Variants in DRD2 observed in about 807,000 individuals in gnomAD.
DRD2 encodes D(2) dopamine receptor.
A neutral mutation model predicts 38.0 loss-of-function variants in DRD2; 8 were observed. The ratio of observed to expected loss-of-function variants is 0.21; its 90% CI spans 0.12 to 0.38. The LOEUF (loss-of-function observed/expected upper bound fraction) is 0.38, where lower values mean the gene tolerates loss of function less well. Among genes scored for constraint, DRD2 ranks in the 10% least tolerant of loss-of-function variants. DRD2 has a pLI of 1.00. For synonymous variants in DRD2, 230 were observed against 238.6 expected (o/e 0.96, Z 0.33); for missense variants, 403 against 607.7 (o/e 0.66, Z 3.54).
chr11:113,433,912 A>G (rs1951013019), intron 1 of DRD2, among the ~76,000 whole-genome samples: 1 of 152,178 alleles, frequency 6.6e-6, no homozygotes, highest in Non-Finnish European at 1.5e-5. Flanking sequence ...GCACTTTCTC[A>G]ATTTCCTGTC....
chr11:113,446,118 A>T (rs547037876), intron 1 of DRD2, among the ~76,000 whole-genome samples: 71 of 151,462 alleles, frequency 4.7e-4, no homozygotes, highest in African/African-American at 1.7e-3. Context: ...GGACACATGG[A>T]CCCCACTTCA....
At chr11:113,462,612 G>A (rs1384921349) in intron 1 of DRD2, among the ~76,000 whole-genome samples, 4 of 152,194 alleles carry the variant, frequency 2.6e-5, no homozygotes, top group African/African-American at 9.7e-5. Context: ...GGCCATGCAG[G>A]AACAGGTATC....
chr11:113,412,614 ACG>A lies in DRD2; in HGVS notation c.1078_1079del (p.Arg360Ter). 2 of 1,613,606 alleles carry A rather than the reference ACG, an allele frequency of 1.2e-6. No individual in the cohort carries two copies. Among genetic ancestry groups the A allele is most frequent in the Non-Finnish European group, 1.7e-6 (2 of 1,179,972 alleles). On this transcript the variant is annotated frameshift_variant, in exon 7 of 8. Coordinates refer to ENST00000362072, the MANE Select transcript of DRD2 (RefSeq NM_000795.4). LOFTEE classifies it high-confidence loss of function. ...KTRTSLKTMS[R>X]RKLSQQKEKK... ...TCTCCTTCTGCTGGGAGAGCTTCCT[ACG>A]GCTCATGGTCTTGAGGGAGGTCCGG... is the stretch of plus-strand genomic sequence containing the variant.
intron 1 of DRD2, chr11:113,447,839 C>A (rs1951167354): frequency 6.6e-6 from 1 of 152,230 alleles, no homozygotes; most frequent in South Asian, 2.1e-4. Context: ...AGAGGACACA[C>A]AAGGCTTCCT....
chr11:113,444,256 C>G (rs1376399646), intron 1 of DRD2, among the ~76,000 whole-genome samples: 1 of 152,178 alleles, frequency 6.6e-6, no homozygotes, highest in African/African-American at 2.4e-5. Flanking sequence ...AGGCTGGTCT[C>G]AAACTCCTGA....
At chr11:113,463,708 G>A (rs1951343465) in intron 1 of DRD2, among the ~76,000 whole-genome samples, 1 of 152,194 alleles carries the variant, frequency 6.6e-6, no homozygotes, top group Admixed American at 6.5e-5. Context: ...GGCACCTGGA[G>A]CTAGAGAGGT....
chr11:113,412,858 A>G lies in DRD2; in HGVS notation c.836T>C (p.Leu279Pro). The change falls in exon 7 of 8, where the codon CTG (leucine) becomes CCG (proline). Residue 279 changes from leucine to proline, a missense_variant. Coordinates refer to ENST00000362072, the MANE Select transcript of DRD2 (RefSeq NM_000795.4). Reference protein sequence around the residue: ...RVEAARRAQELEMEMLSSTSP... With the variant: ...RVEAARRAQEPEMEMLSSTSP... Reference sequence around the variant, plus strand: ...GGTGCTGGAGAGCATCTCCATCTCCAGCTCCTGGGCTCGCCGGGCAGCCTC... The same window carrying G: ...GGTGCTGGAGAGCATCTCCATCTCCGGCTCCTGGGCTCGCCGGGCAGCCTC... 1 of 1,612,452 alleles carries G rather than the reference A, an allele frequency of 6.2e-7. No individual in the cohort carries two copies. Among genetic ancestry groups the G allele is most frequent in the Non-Finnish European group, 8.5e-7 (1 of 1,179,836 alleles).
At chr11:113,452,482 G>GCGCGCGCGCT (rs1219215940) in intron 1 of DRD2, among the ~76,000 whole-genome samples, 6 of 97,768 alleles carry the variant, frequency 6.1e-5, no homozygotes, top group African/African-American at 1.8e-4. Flanking sequence ...GCGCGCGCGC[G>GCGCGCGCGCT]CGCGCACATT....
chr11:113,435,899 C>A (rs1225171041), intron 1 of DRD2, among the ~76,000 whole-genome samples: 1 of 152,132 alleles, frequency 6.6e-6, no homozygotes, highest in Admixed American at 6.5e-5. Flanking sequence ...CCTTATTGCT[C>A]CAGATGGAGG....
rs201238984 is a variant in DRD2, at chr11:113,424,557, G to C, written c.95C>G (p.Pro32Arg). 1.2e-6 allele frequency: 2 copies of C among 1,614,180 alleles called. No homozygotes were observed. The highest frequency in any genetic ancestry group is 1.7e-5 in the Admixed American group (1 of 60,016). ...CAGTGTGGCATAGTAGTTGTAGTGG[G>C]GTCTGTCCGCCTTCCCGTCTGACCC... ...FNGSDGKADR[P>R]HYNYYATLLT... Residue 32 changes from proline to arginine, a missense_variant, in exon 2 of 8, where the codon CCC becomes CGC. Pro to Arg is a moderately radical substitution (Grantham distance 103). Transcript: ENST00000362072.
Position 113,416,860 on chromosome 11 carries a change from T to A in DRD2, c.532+3A>T. 1 of 1,613,676 alleles carries A rather than the reference T, an allele frequency of 6.2e-7. No homozygotes were observed. The highest frequency in any genetic ancestry group is 2.2e-5 in the East Asian group (1 of 44,854). Reference sequence around the variant, plus strand: ...GCCTCAGGCAAACAAAAGCAGAATGTACCTGCGTTATTGAGTCCGAAGAGG... The same window carrying A: ...GCCTCAGGCAAACAAAAGCAGAATGAACCTGCGTTATTGAGTCCGAAGAGG... On this transcript the variant is annotated splice_donor_region_variant and intron_variant, in intron 4 of 7. Coordinates refer to ENST00000362072, the MANE Select transcript of DRD2 (RefSeq NM_000795.4).
chr11:113,459,271 G>A (rs1226412669), intron 1 of DRD2, among the ~76,000 whole-genome samples: 1 of 152,188 alleles, frequency 6.6e-6, no homozygotes. Flanking sequence ...GGGCAAGAAA[G>A]CATCTGCTTG....
At chr11:113,440,154 T>C (rs950072308) in intron 1 of DRD2, among the ~76,000 whole-genome samples, 2 of 152,176 alleles carry the variant, frequency 1.3e-5, no homozygotes, top group Non-Finnish European at 2.9e-5. Context: ...AACTTCTGTG[T>C]ATGCTCGCCT....
At chr11:113,423,684 C>T (rs935245470) in intron 2 of DRD2, among the ~76,000 whole-genome samples, 1 of 152,160 alleles carries the variant, frequency 6.6e-6, no homozygotes, top group South Asian at 2.1e-4. Context: ...GACTGTGCTG[C>T]CTACTCCCCA....
At chr11:113,457,195 C>T (rs895983100) in intron 1 of DRD2, among the ~76,000 whole-genome samples, 3 of 152,176 alleles carry the variant, frequency 2.0e-5, no homozygotes, top group African/African-American at 7.2e-5. Context: ...AGGAGTCACT[C>T]AACCTCTGTG....
chr11:113,469,103 G>A (rs981003875), intron 1 of DRD2, among the ~76,000 whole-genome samples: 5 of 152,108 alleles, frequency 3.3e-5, no homozygotes, highest in South Asian at 2.1e-4. Flanking sequence ...AGTTCCAGAA[G>A]AGCTTGACAA....
intron 1 of DRD2, among the ~76,000 whole-genome samples, chr11:113,433,063 G>A (rs1004605671): frequency 2.0e-5 from 3 of 152,152 alleles, no homozygotes; most frequent in Non-Finnish European, 4.4e-5. Context: ...CTGTCTGGAG[G>A]GCAAAGCCTC....
At chr11:113,435,174 G>A (rs376737656) in intron 1 of DRD2, among the ~76,000 whole-genome samples, 100 of 152,304 alleles carry the variant, frequency 6.6e-4, no homozygotes, top group African/African-American at 2.4e-3. Context: ...GGTCTGCAGC[G>A]GGGTGAGGCA....
At chr11:113,431,792 C>T (rs12800853) in intron 1 of DRD2, among the ~76,000 whole-genome samples, 63,419 of 152,180 alleles carry the variant, frequency 0.42, 16,493 homozygotes, top group Non-Finnish European at 0.6. Flanking sequence ...ACCCTATATG[C>T]CTTACAAATG....
Sources: allele counts gnomAD v4.1 joint callset (sites outside exome capture counted in the v4.1 genomes callset), GRCh38; gene constraint gnomAD v4.1.1; transcripts MANE v1.5; gene names NCBI Gene and HGNC (gene_info 2026-07-23, HGNC 2026-07-21).